ABCB1: variants seen among roughly 807,000 people sequenced by gnomAD.
The protein encoded by ABCB1 is ATP-dependent translocase ABCB1.
Under a neutral mutation model 142.0 loss-of-function variants are expected in ABCB1, and 69 were observed. The ratio of observed to expected loss-of-function variants is 0.49; its 90% CI spans 0.40 to 0.59. ABCB1 has a LOEUF of 0.59. Ranked by LOEUF, ABCB1 falls within the 20% of genes least tolerant of loss-of-function variation. The pLI, the probability that ABCB1 is intolerant of heterozygous loss-of-function variation, is 0.00. For missense variants in ABCB1, 1,326 were observed against 1,554.7 expected, an observed-to-expected ratio of 0.85 and a Z score of 2.47; for synonymous variants, 532 against 539.2, an observed-to-expected ratio of 0.99 and a Z score of 0.18.
chr7:87,666,642 A>G (rs1230381886), intron 1 of ABCB1, among the ~76,000 whole-genome samples: 1 of 152,046 alleles, frequency 6.6e-6, no homozygotes, highest in African/African-American at 2.4e-5. Context: ...TAGGTCTTTA[A>G]TCCATCTTGA....
chr7:87,603,843 C>T (rs554417115), upstream of ABCB1, among the ~76,000 whole-genome samples: 27 of 152,270 alleles, frequency 1.8e-4, no homozygotes, highest in African/African-American at 5.5e-4. Context: ...CCACAGTTAC[C>T]TTTTTGGTAA....
intron 19 of ABCB1, 51 bp downstream of exon 19, chr7:87,539,217 C>A (rs376151009): frequency 5.1e-6 from 8 of 1,565,276 alleles, no homozygotes; most frequent in Non-Finnish European, 7.0e-6. Flanking sequence ...GTCCAAGGGG[C>A]ACACATGGGG....
At chr7:87,698,259 C>A (rs1442000966) in intron 1 of ABCB1, among the ~76,000 whole-genome samples, 1 of 151,990 alleles carries the variant, frequency 6.6e-6, no homozygotes, top group African/African-American at 2.4e-5. Flanking sequence ...GCCACCATGC[C>A]CGGCTAATTT....
chr7:87,567,347 C>T (rs1052417835), intron 5 of ABCB1, among the ~76,000 whole-genome samples: 3 of 152,202 alleles, frequency 2.0e-5, no homozygotes, highest in African/African-American at 4.8e-5. Flanking sequence ...TCAGAGAATG[C>T]CAGTTACTGT....
chr7:87,634,256 T>C (rs558057337), intron 1 of ABCB1, among the ~76,000 whole-genome samples: 2 of 152,068 alleles, frequency 1.3e-5, no homozygotes, highest in South Asian at 4.2e-4. Context: ...ACATTGGAGA[T>C]CAAATTTCAA....
chr7:87,624,820 A>G (rs967970054), intron 1 of ABCB1, among the ~76,000 whole-genome samples: 3 of 152,210 alleles, frequency 2.0e-5, no homozygotes, highest in Admixed American at 2.0e-4. Context: ...TTATCAAATA[A>G]GGCCCCCATG....
chr7:87,505,882 A>C lies in ABCB1; in HGVS notation c.3636+15T>G. On this transcript the variant is annotated intron_variant, in intron 27 of 27. Transcript: ENST00000622132. ...GACTGATTCAAGTATGGATGAACCC[A>C]ATTTAAATTCTTACCTTTTCACTTT... 6.2e-7 allele frequency: 1 copy of C among 1,614,096 alleles called. No individual in the cohort carries two copies. The highest frequency in any genetic ancestry group is 8.5e-7 in the Non-Finnish European group (1 of 1,179,952).
chr7:87,674,713 G>A (rs973536046), intron 1 of ABCB1, among the ~76,000 whole-genome samples: 3 of 152,096 alleles, frequency 2.0e-5, no homozygotes, highest in Non-Finnish European at 4.4e-5. Context: ...GCATGATAGG[G>A]CCCCCAGGAA....
chr7:87,583,742 A>T (rs1818618048), intron 4 of ABCB1, among the ~76,000 whole-genome samples: 1 of 152,196 alleles, frequency 6.6e-6, no homozygotes, highest in Non-Finnish European at 1.5e-5. Flanking sequence ...ATTTGGGATG[A>T]TATAACAAAA....
intron 26 of ABCB1, among the ~76,000 whole-genome samples, chr7:87,507,682 C>T (rs191695979): frequency 4.4e-4 from 67 of 152,158 alleles, no homozygotes; most frequent in Middle Eastern, 6.8e-3. Flanking sequence ...TTGCCTGCCT[C>T]GTGAGGAAAC....
At chr7:87,521,592 C>T (rs1013208832) in intron 21 of ABCB1, 18 of 758,224 alleles carry the variant, frequency 2.4e-5, no homozygotes, top group Admixed American at 3.5e-5. Context: ...TCATGGATTG[C>T]GTGGTAATGA....
chr7:87,674,428 A>C (rs1222904587), intron 1 of ABCB1, among the ~76,000 whole-genome samples: 1 of 152,050 alleles, frequency 6.6e-6, no homozygotes, highest in Non-Finnish European at 1.5e-5. Flanking sequence ...CTGTGCCCAC[A>C]CATCAGTGGG....
At chr7:87,618,471 T>A (rs1027590321) in intron 1 of ABCB1, among the ~76,000 whole-genome samples, 2 of 152,200 alleles carry the variant, frequency 1.3e-5, no homozygotes, top group African/African-American at 4.8e-5. Flanking sequence ...TCGCTTTGAA[T>A]TTAGCTGTAT....
chr7:87,653,510 G>A (rs964675003), intron 1 of ABCB1, among the ~76,000 whole-genome samples: 5 of 151,940 alleles, frequency 3.3e-5, no homozygotes, highest in Admixed American at 6.6e-5. Context: ...TCTAACAGGG[G>A]GACATATAGT....
At chr7:87,635,132 A>G (rs913832056) in intron 1 of ABCB1, among the ~76,000 whole-genome samples, 2 of 152,198 alleles carry the variant, frequency 1.3e-5, no homozygotes, top group Non-Finnish European at 2.9e-5. Context: ...GAATGTTTGA[A>G]GCTTACCCAC....
chr7:87,511,281 A>G (rs1053468392), intron 25 of ABCB1, among the ~76,000 whole-genome samples: 15 of 152,178 alleles, frequency 9.9e-5, no homozygotes, highest in Non-Finnish European at 1.3e-4. Flanking sequence ...GGAAAGACCA[A>G]GGAACTCTGG....
At chr7:87,554,910 G>T (rs921647433) in intron 8 of ABCB1, among the ~76,000 whole-genome samples, 1 of 152,102 alleles carries the variant, frequency 6.6e-6, no homozygotes, top group Non-Finnish European at 1.5e-5. Context: ...TACAAAAGGG[G>T]CAAAAATGAG....
chr7:87,639,745 C>A (rs563643495), intron 1 of ABCB1, among the ~76,000 whole-genome samples: 2 of 152,018 alleles, frequency 1.3e-5, no homozygotes, highest in East Asian at 3.9e-4. Flanking sequence ...GTCTCTTTTT[C>A]CATCTTTTAC....
chr7:87,561,210 A>G, intron 8 of ABCB1, 53 bp downstream of exon 8: 1 of 1,604,608 alleles, frequency 6.2e-7, no homozygotes, highest in South Asian at 1.1e-5. Flanking sequence ...TCTGAAGGGC[A>G]TTTGAGAAGA....
Sources: allele counts gnomAD v4.1 joint callset (sites outside exome capture counted in the v4.1 genomes callset), GRCh38; gene constraint gnomAD v4.1.1; transcripts MANE v1.5; gene names NCBI Gene and HGNC (gene_info 2026-07-23, HGNC 2026-07-21).